Variants in DNAH8 observed in about 807,000 individuals in gnomAD.
DNAH8 encodes the protein dynein axonemal heavy chain 8.
Under a neutral mutation model 562.1 loss-of-function variants are expected in DNAH8, and 382 were observed. That is an observed-to-expected ratio of 0.68 (90% CI 0.63 to 0.74). The LOEUF (loss-of-function observed/expected upper bound fraction) is 0.74, where lower values mean the gene tolerates loss of function less well. DNAH8 is among the 30% of genes least tolerant of loss of function. The pLI is 0.00. For synonymous variants in DNAH8, 1,881 were observed against 1,919.4 expected, an observed-to-expected ratio of 0.98 and a Z score of 0.52; for missense variants, 5,203 against 5,620.4, an observed-to-expected ratio of 0.93 and a Z score of 2.37.
At chr6:38,753,621 A>G (rs1406936607) in intron 9 of DNAH8, among the ~76,000 whole-genome samples, 1 of 152,204 alleles carries the variant, frequency 6.6e-6, no homozygotes, top group African/African-American at 2.4e-5. Flanking sequence ...AGTAAACTTG[A>G]AAGAAAGAAT....
chr6:38,950,678 A>T (rs1761838377), intron 81 of DNAH8, among the ~76,000 whole-genome samples: 1 of 152,126 alleles, frequency 6.6e-6, no homozygotes, highest in Non-Finnish European at 1.5e-5. Context: ...TAACCTCGTG[A>T]TCTGCCAGCC....
At chr6:38,941,636 G>A (rs1783468324) in intron 79 of DNAH8, among the ~76,000 whole-genome samples, 1 of 152,162 alleles carries the variant, frequency 6.6e-6, no homozygotes, top group South Asian at 2.1e-4. Flanking sequence ...TGGTCTTGGG[G>A]ATGCTTAAGT....
chr6:38,953,920 G>T (rs1479747426), intron 82 of DNAH8, among the ~76,000 whole-genome samples: 1 of 151,692 alleles, frequency 6.6e-6, no homozygotes. Context: ...GGCAGATCTG[G>T]TTCAGAACTT....
At chr6:38,932,468 A>AGGG (rs2150579595) in intron 76 of DNAH8, among the ~76,000 whole-genome samples, 1 of 152,290 alleles carries the variant, frequency 6.6e-6, no homozygotes, top group African/African-American at 2.4e-5. Context: ...TGTCTAACTG[A>AGGG]GGGTTCTAAT....
chr6:38,899,235 A>T (rs1023115788), intron 61 of DNAH8, among the ~76,000 whole-genome samples: 1 of 152,158 alleles, frequency 6.6e-6, no homozygotes, highest in South Asian at 2.1e-4. Flanking sequence ...GCAACACAAC[A>T]TGAAAGGCTG....
intron 53 of DNAH8, among the ~76,000 whole-genome samples, chr6:38,881,135 C>T (rs1306819194): frequency 1.3e-5 from 2 of 152,184 alleles, no homozygotes; most frequent in Non-Finnish European, 2.9e-5. Flanking sequence ...TAATAGAGCA[C>T]CTAGAGCCCT....
chr6:38,823,005 T>A lies in DNAH8; in HGVS notation c.3691T>A (p.Trp1231Arg), dbSNP rs201946936. 1 of 1,590,404 alleles carries A rather than the reference T, an allele frequency of 6.3e-7. No individual in the cohort carries two copies. The highest frequency in any genetic ancestry group is 2.2e-5 in the East Asian group (1 of 44,600). The change falls in exon 27 of 93, where the codon TGG becomes AGG. Residue 1231 changes from tryptophan (W) to arginine (R), a missense_variant. This residue lies in a region of DNAH8 where 2,176 missense variants were observed against 2,365.1 expected (regional missense o/e 0.92). Coordinates refer to ENST00000327475, the MANE Select transcript of DNAH8 (RefSeq NM_001206927.2). Reference sequence around the variant, plus strand: ...GGACTTTCAGAAGTACAAGACTCTCTGGACAGAGGACCGCGATGTGAAAGT... The same window carrying A: ...GGACTTTCAGAAGTACAAGACTCTCAGGACAGAGGACCGCGATGTGAAAGT... Reference protein sequence around the residue: ...LQDFQKYKTLWTEDRDVKVKE... With the variant: ...LQDFQKYKTLRTEDRDVKVKE...
At chr6:38,937,217 TG>T (rs67309903) in intron 77 of DNAH8, among the ~76,000 whole-genome samples, 55,388 of 151,300 alleles carry the variant, frequency 0.37, 11,501 homozygotes, top group Middle Eastern at 0.48. Flanking sequence ...GGTAGGGGTC[TG>T]GGGGGAGGGA....
At chr6:38,795,106 A>T (rs1770105375) in intron 21 of DNAH8, among the ~76,000 whole-genome samples, 1 of 152,230 alleles carries the variant, frequency 6.6e-6, no homozygotes, top group Admixed American at 6.5e-5. Context: ...TATTGTGATA[A>T]AATATACTAA....
intron 72 of DNAH8, 43 bp downstream of exon 72, chr6:38,923,228 C>T: frequency 6.2e-7 from 1 of 1,603,674 alleles, no homozygotes; most frequent in Non-Finnish European, 8.5e-7. Flanking sequence ...TTCTTTGTGA[C>T]ATTAGAGAAC....
intron 10 of DNAH8, among the ~76,000 whole-genome samples, chr6:38,757,384 T>C (rs1253652506): frequency 6.6e-6 from 1 of 151,924 alleles, no homozygotes; most frequent in Non-Finnish European, 1.5e-5. Context: ...TTTTTTCTTG[T>C]AAATTTGTTT....
Position 38,850,141 on chromosome 6 carries a change from G to C in DNAH8, c.5200-110G>C, listed in dbSNP as rs552369842. Reference sequence around the variant, plus strand: ...ATTGTCTGTTTAAATTATGCAGCCTGAGACTAATAGAGGCTGGTTTGAAGA... The same window carrying C: ...ATTGTCTGTTTAAATTATGCAGCCTCAGACTAATAGAGGCTGGTTTGAAGA... On this transcript the variant is annotated intron_variant, in intron 37 of 92. Coordinates refer to ENST00000327475, the MANE Select transcript of DNAH8 (RefSeq NM_001206927.2). 1.2e-5 allele frequency: 12 copies of C among 990,908 alleles called. No homozygotes were observed. In the African/African-American group the frequency reaches 1.6e-4, roughly 14 times the overall value. 61.4% of individuals were successfully genotyped at this position (990,908 alleles called of 1,614,324 possible).
At chr6:38,826,433 G>GT in intron 29 of DNAH8, 42 bp downstream of exon 29, 5 of 1,309,656 alleles carry the variant, frequency 3.8e-6, no homozygotes, top group Non-Finnish European at 5.4e-6. Flanking sequence ...ATGCTTTTTT[G>GT]TTTTTTAAAG....
Position 38,778,393 on chromosome 6 carries a change from A to C in DNAH8, c.1968A>C (p.Gln656His). Residue 656 changes from glutamine to histidine, a missense_variant, in exon 14 of 93, where the codon CAA (glutamine) becomes CAC (histidine). This residue lies in a region of DNAH8 where 2,176 missense variants were observed against 2,365.1 expected (regional missense o/e 0.92). Coordinates refer to ENST00000327475, the MANE Select transcript of DNAH8 (RefSeq NM_001206927.2). Reference sequence around the variant, plus strand: ...ATATTAATATTTTATTTTAGGTACAAATACAGGCATTTATGAACAGTAGTT... The same window carrying C: ...ATATTAATATTTTATTTTAGGTACACATACAGGCATTTATGAACAGTAGTT... Reference protein sequence around the residue: ...FMTKINGLEVQIQAFMNSSFG... With the variant: ...FMTKINGLEVHIQAFMNSSFG... 2 of 1,535,004 alleles carry C rather than the reference A, an allele frequency of 1.3e-6. No homozygotes were observed. The highest frequency in any genetic ancestry group is 1.8e-6 in the Non-Finnish European group (2 of 1,115,362).
chr6:38,984,209 G>T lies in DNAH8; in HGVS notation c.12955G>T (p.Val4319Leu), dbSNP rs759963989. The T allele has an allele frequency of 6.5e-7, 1 of 1,544,174 alleles. No homozygotes were observed. The highest frequency in any genetic ancestry group is 1.1e-5 in the South Asian group (1 of 88,816). The change falls in exon 87 of 93, where the codon GTA becomes TTA. Residue 4319 changes from valine to leucine, a missense_variant. Physicochemically the swap from Val to Leu is conservative, Grantham distance 32. Around this residue, in one of 6 missense-constraint regions of DNAH8, gnomAD observed 1,399 missense variants for 1,518.4 expected, o/e 0.92. Transcript: ENST00000327475. ...HLDECDIKKG[V>L]SWNTVRYMIG... Reference sequence around the variant, plus strand: ...TCCTTTTTTACTTTTAATAAAGGGTGTATCATGGAATACGGTTCGGTACAT... The same window carrying T: ...TCCTTTTTTACTTTTAATAAAGGGTTTATCATGGAATACGGTTCGGTACAT...
chr6:38,818,219 G>T (rs1772463664), intron 26 of DNAH8, among the ~76,000 whole-genome samples: 1 of 152,006 alleles, frequency 6.6e-6, no homozygotes. Context: ...CATACAAGAA[G>T]ATCAGTATCT....
chr6:38,885,425 T>C (rs1185603791), intron 56 of DNAH8, among the ~76,000 whole-genome samples: 1 of 152,166 alleles, frequency 6.6e-6, no homozygotes, highest in East Asian at 1.9e-4. Flanking sequence ...AAATGCCTCC[T>C]CACTGCCTCC....
intron 48 of DNAH8, among the ~76,000 whole-genome samples, chr6:38,868,464 T>A (rs1159905288): frequency 6.6e-6 from 1 of 152,204 alleles, no homozygotes; most frequent in Non-Finnish European, 1.5e-5. Context: ...AACCTAGTTG[T>A]CTACCATTAT....
At chr6:38,962,895 T>C (rs1477773152) in intron 82 of DNAH8, among the ~76,000 whole-genome samples, 1 of 152,162 alleles carries the variant, frequency 6.6e-6, no homozygotes, top group Non-Finnish European at 1.5e-5. Context: ...ACCAAACATA[T>C]GTTCTCACTC....
Sources: allele counts gnomAD v4.1 joint callset (sites outside exome capture counted in the v4.1 genomes callset), GRCh38; gene constraint gnomAD v4.1.1; regional missense constraint gnomAD v4.1.1; transcripts MANE v1.5; gene names NCBI Gene and HGNC (gene_info 2026-07-23, HGNC 2026-07-21).